SGCZ: variants seen among roughly 807,000 people sequenced by gnomAD.
SGCZ encodes the protein zeta-sarcoglycan.
Under a neutral mutation model 41.3 loss-of-function variants are expected in SGCZ, and 40 were observed. The observed-to-expected ratio is 0.97, with a 90% CI of 0.75 to 1.26. The LOEUF (loss-of-function observed/expected upper bound fraction) is 1.26. Among genes scored for constraint, SGCZ ranks in the 50% most tolerant of loss-of-function variants. The pLI is 0.00. For missense variants in SGCZ, 552 were observed against 369.8 expected (o/e 1.49, Z -4.04); for synonymous variants, 206 against 137.5 (o/e 1.50, Z -3.49).
intron 1 of SGCZ, among the ~76,000 whole-genome samples, chr8:14,763,490 C>A (rs777038995): frequency 6.6e-6 from 1 of 152,156 alleles, no homozygotes; most frequent in Non-Finnish European, 1.5e-5. Flanking sequence ...GGTAGCCAAG[C>A]ACTGGATGTT....
chr8:14,846,252 T>C (rs879626082), intron 1 of SGCZ, among the ~76,000 whole-genome samples: 1 of 152,084 alleles, frequency 6.6e-6, no homozygotes, highest in African/African-American at 2.4e-5. Flanking sequence ...AGTTTGCAAA[T>C]TGACCTTGGA....
At chr8:15,233,011 C>G (rs1802005348) in intron 1 of SGCZ, among the ~76,000 whole-genome samples, 1 of 151,208 alleles carries the variant, frequency 6.6e-6, no homozygotes. Context: ...TTAAGGTTAC[C>G]TGTTTCTAAG....
intron 2 of SGCZ, among the ~76,000 whole-genome samples, chr8:14,491,566 T>A (rs1174766318): frequency 1.3e-5 from 2 of 152,228 alleles, no homozygotes; most frequent in Non-Finnish European, 2.9e-5. Context: ...ACAAGTTTTT[T>A]ATATCCTTTA....
chr8:15,192,985 C>G (rs567064781), intron 1 of SGCZ, among the ~76,000 whole-genome samples: 1 of 152,050 alleles, frequency 6.6e-6, no homozygotes, highest in Non-Finnish European at 1.5e-5. Flanking sequence ...CACACTTTAC[C>G]CATTTAGTGG....
intron 1 of SGCZ, among the ~76,000 whole-genome samples, chr8:14,741,928 C>T (rs1447956003): frequency 6.6e-6 from 1 of 151,992 alleles, no homozygotes; most frequent in Non-Finnish European, 1.5e-5. Flanking sequence ...CCCATATAAA[C>T]TTAAGGTGGC....
intron 2 of SGCZ, among the ~76,000 whole-genome samples, chr8:14,476,764 T>A (rs555282050): frequency 6.6e-6 from 1 of 152,184 alleles, no homozygotes; most frequent in Non-Finnish European, 1.5e-5. Flanking sequence ...TTGTGACAAG[T>A]TGGCTGCCAT....
chr8:15,024,648 C>T (rs1803379949), intron 1 of SGCZ, among the ~76,000 whole-genome samples: 1 of 151,980 alleles, frequency 6.6e-6, no homozygotes, highest in Admixed American at 6.6e-5. Context: ...AATAATAATA[C>T]AGTGGTCAGG....
At chr8:14,097,064 A>AT (rs1384467354) in intron 7 of SGCZ, among the ~76,000 whole-genome samples, 5 of 151,920 alleles carry the variant, frequency 3.3e-5, no homozygotes, top group Admixed American at 6.6e-5. Flanking sequence ...GGATTCATTG[A>AT]TTTTTTGAAG....
chr8:14,569,171 T>C (rs1243749062), intron 1 of SGCZ, among the ~76,000 whole-genome samples: 2 of 152,188 alleles, frequency 1.3e-5, no homozygotes. Flanking sequence ...AAATATAATA[T>C]ATAAAATTGA....
chr8:14,373,382 A>G (rs1009949838), intron 2 of SGCZ, among the ~76,000 whole-genome samples: 1 of 152,222 alleles, frequency 6.6e-6, no homozygotes, highest in African/African-American at 2.4e-5. Context: ...CTAAAATTCA[A>G]AAGAGAGATA....
At chr8:14,294,694 T>C (rs1800953942) in intron 3 of SGCZ, among the ~76,000 whole-genome samples, 1 of 152,036 alleles carries the variant, frequency 6.6e-6, no homozygotes, top group South Asian at 2.1e-4. Flanking sequence ...GTATGTAGAA[T>C]AGGTAGGCAA....
At chr8:14,954,266 G>C (rs1325094886) in intron 1 of SGCZ, among the ~76,000 whole-genome samples, 1 of 152,040 alleles carries the variant, frequency 6.6e-6, no homozygotes, top group African/African-American at 2.4e-5. Context: ...TACATGGTAT[G>C]GAAAAGGTTT....
chr8:14,484,483 A>G (rs7829572), intron 2 of SGCZ, among the ~76,000 whole-genome samples: 72,247 of 151,896 alleles, frequency 0.48, 17,571 homozygotes, highest in East Asian at 0.67. Context: ...TGTGATTTTT[A>G]AAACATTTCA....
At chr8:14,810,614 C>A (rs1445328675) in intron 1 of SGCZ, among the ~76,000 whole-genome samples, 2 of 151,980 alleles carry the variant, frequency 1.3e-5, no homozygotes, top group African/African-American at 4.8e-5. Context: ...ACTTAAACAA[C>A]ATCAGTTCAT....
chr8:14,884,049 T>C, intron 1 of SGCZ, among the ~76,000 whole-genome samples: 1 of 152,124 alleles, frequency 6.6e-6, no homozygotes, highest in East Asian at 1.9e-4. Context: ...ATCCTTAAAT[T>C]TCACATGTGG....
chr8:14,812,242 T>C (rs1801758528), intron 1 of SGCZ, among the ~76,000 whole-genome samples: 1 of 151,240 alleles, frequency 6.6e-6, no homozygotes, highest in African/African-American at 2.5e-5. Context: ...TGTAAATCAA[T>C]TTATTTTTTC....
At chr8:14,810,349 A>G (rs1801702435) in intron 1 of SGCZ, among the ~76,000 whole-genome samples, 1 of 152,052 alleles carries the variant, frequency 6.6e-6, no homozygotes, top group Non-Finnish European at 1.5e-5. Context: ...GAAAGATCAT[A>G]TTCTATTTTC....
At chr8:14,776,845 C>A (rs576098987) in intron 1 of SGCZ, among the ~76,000 whole-genome samples, 1 of 152,236 alleles carries the variant, frequency 6.6e-6, no homozygotes, top group African/African-American at 2.4e-5. Flanking sequence ...TGGTTAAACT[C>A]TTCATTGTGT....
intron 2 of SGCZ, among the ~76,000 whole-genome samples, chr8:14,375,229 G>C (rs1297355324): frequency 6.6e-6 from 1 of 152,170 alleles, no homozygotes; most frequent in Non-Finnish European, 1.5e-5. Flanking sequence ...TCACAATGGA[G>C]ATATAACAGT....
Sources: allele counts gnomAD v4.1 joint callset (sites outside exome capture counted in the v4.1 genomes callset), GRCh38; gene constraint gnomAD v4.1.1; transcripts MANE v1.5; gene names NCBI Gene and HGNC (gene_info 2026-07-23, HGNC 2026-07-21).